CELF1: variants seen among roughly 807,000 people sequenced by gnomAD.
The protein encoded by CELF1 is CUGBP Elav-like family member 1.
CELF1 carries 10 observed loss-of-function variants against 61.8 expected under a neutral mutation model. The observed-to-expected ratio is 0.16, with a 90% CI of 0.10 to 0.27. CELF1 has a LOEUF of 0.27. Ranked by LOEUF, CELF1 falls within the 10% of genes least tolerant of loss-of-function variation. The pLI is 1.00. For synonymous variants in CELF1, 236 were observed against 225.1 expected, an observed-to-expected ratio of 1.05 and a Z score of -0.43; for missense variants, 380 against 639.1, an observed-to-expected ratio of 0.59 and a Z score of 4.37.
intron 1 of CELF1, among the ~76,000 whole-genome samples, chr11:47,545,850 CGTGTGTGTGTGT>C (rs1206141521): frequency 8.1e-6 from 1 of 124,042 alleles, no homozygotes; most frequent in Non-Finnish European, 1.8e-5. Flanking sequence ...CATATGTATA[CGTGTGTGTGTGT>C]GTGTCTGCGT....
chr11:47,514,399 C>A (rs1209338373), intron 1 of CELF1, among the ~76,000 whole-genome samples: 1 of 152,054 alleles, frequency 6.6e-6, no homozygotes, highest in East Asian at 1.9e-4. Context: ...TATTCACAAC[C>A]AATAAATAGA....
rs149776003 is a variant in CELF1, at chr11:47,466,017, G to C, written c.*6213C>G. The C allele has an allele frequency of 7.6e-4, 116 of 152,266 alleles. No homozygotes were observed. The highest frequency in any genetic ancestry group is 2.7e-3 in the African/African-American group (113 of 41,556). The allele number at this position is 152,266 out of a possible 1,614,324, so 9.4% of individuals were successfully genotyped here. On this transcript the variant is annotated 3_prime_UTR_variant, in exon 15 of 15. Coordinates refer to ENST00000687097, the MANE Select transcript of CELF1 (RefSeq NM_001376376.1). ...ATACAAAATGACTTTTTGTCCATGT[G>C]TCTGTGCAATTAAAACAGATTTAGG...
intron 9 of CELF1, among the ~76,000 whole-genome samples, chr11:47,481,921 C>T (rs1018780306): frequency 6.6e-6 from 1 of 151,926 alleles, no homozygotes; most frequent in African/African-American, 2.4e-5. Flanking sequence ...TCTTGATCTC[C>T]GCCAGGCGCA....
chr11:47,530,413 G>A (rs1474832144), intron 1 of CELF1, among the ~76,000 whole-genome samples: 1 of 152,202 alleles, frequency 6.6e-6, no homozygotes, highest in Non-Finnish European at 1.5e-5. Context: ...AAACAAGATT[G>A]CTACTGAGGA....
At chr11:47,541,248 ATTAT>A (rs1376610239) in intron 1 of CELF1, among the ~76,000 whole-genome samples, 1 of 152,210 alleles carries the variant, frequency 6.6e-6, no homozygotes, top group Non-Finnish European at 1.5e-5. Context: ...GTCACCTCAC[ATTAT>A]CACCAATATC....
upstream of CELF1, chr11:47,553,215 A>ACCGCGGCGCCGC: frequency 5.2e-6 from 2 of 386,224 alleles, no homozygotes; most frequent in Non-Finnish European, 9.2e-6. Context: ...GGAACGTATC[A>ACCGCGGCGCCGC]CCGCGGCGCC....
At chr11:47,560,082 T>A (rs2097220787) in intron 2 of CELF1, among the ~76,000 whole-genome samples, 1 of 151,250 alleles carries the variant, frequency 6.6e-6, no homozygotes. Flanking sequence ...GGCAGATTGC[T>A]AGAGCTCAGG....
intron 1 of CELF1, among the ~76,000 whole-genome samples, chr11:47,544,733 C>A (rs552778032): frequency 1.4e-3 from 206 of 152,202 alleles, no homozygotes; most frequent in African/African-American, 4.7e-3. Flanking sequence ...GAGGCTGAGG[C>A]GGGCAGTTCA....
intron 7 of CELF1, among the ~76,000 whole-genome samples, chr11:47,483,896 C>A (rs1343490810): frequency 1.3e-5 from 2 of 152,090 alleles, no homozygotes; most frequent in East Asian, 3.9e-4. Flanking sequence ...CTTAGAGGGG[C>A]TGGGAGACAA....
chr11:47,496,627 T>C (rs1030029631), intron 3 of CELF1, among the ~76,000 whole-genome samples: 14 of 151,958 alleles, frequency 9.2e-5, no homozygotes, highest in African/African-American at 3.4e-4. Flanking sequence ...CTGCATAGAG[T>C]AGGCAACTAG....
intron 1 of CELF1, among the ~76,000 whole-genome samples, chr11:47,536,849 T>C: frequency 6.6e-6 from 1 of 152,144 alleles, no homozygotes; most frequent in East Asian, 1.9e-4. Context: ...AATGAATATA[T>C]AATAAACATA....
rs2081462874 is a variant in CELF1, at chr11:47,478,978, C to G, written c.769-26G>C. On this transcript the variant is annotated intron_variant, in intron 9 of 14. Transcript: ENST00000687097. Reference sequence around the variant, plus strand: ...CTAGACATTACACCAAAAAACAGAACAAGAGTGAGAGTGAGGGCTGGTTCT... The same window carrying G: ...CTAGACATTACACCAAAAAACAGAAGAAGAGTGAGAGTGAGGGCTGGTTCT... The G allele has an allele frequency of 3.1e-6, 5 of 1,592,354 alleles. No individual in the cohort carries two copies. The African/African-American group carries it at 4.0e-5, about 13-fold the overall frequency.
chr11:47,510,069 AAAAAAAAAAG>A (rs2094972114), intron 1 of CELF1, among the ~76,000 whole-genome samples: 1 of 147,736 alleles, frequency 6.8e-6, no homozygotes, highest in Admixed American at 6.7e-5. Flanking sequence ...CTCAAAAAAG[AAAAAAAAAAG>A]TAAGGAAGTA....
At chr11:47,473,901 C>T (rs2078814816) in intron 13 of CELF1, among the ~76,000 whole-genome samples, 1 of 90,296 alleles carries the variant, frequency 1.1e-5, no homozygotes, top group Non-Finnish European at 2.0e-5. Flanking sequence ...CAATGATTTT[C>T]TTTTTTTTTC....
intron 10 of CELF1, 57 bp from the exon 11 acceptor site, chr11:47,477,482 C>T: frequency 6.3e-7 from 1 of 1,586,268 alleles, no homozygotes; most frequent in Non-Finnish European, 8.6e-7. Flanking sequence ...ATATCCATTC[C>T]AGCAATGACA....
At chr11:47,527,347 T>C (rs2096282600) in intron 1 of CELF1, among the ~76,000 whole-genome samples, 1 of 152,166 alleles carries the variant, frequency 6.6e-6, no homozygotes, top group African/African-American at 2.4e-5. Context: ...GCCGTGATCG[T>C]GCCACCGCAC....
chr11:47,529,436 C>G (rs1333453430), intron 1 of CELF1, among the ~76,000 whole-genome samples: 2 of 152,126 alleles, frequency 1.3e-5, no homozygotes, highest in African/African-American at 4.8e-5. Context: ...CCTGTAATCC[C>G]AGCACGTTGC....
Position 47,482,781 on chromosome 11 carries a change from G to A in CELF1, c.682C>T (p.Leu228Phe). The A allele has an allele frequency of 3.1e-6, 5 of 1,614,110 alleles. No homozygotes were observed. Among genetic ancestry groups the A allele is most frequent in the Non-Finnish European group, 4.2e-6 (5 of 1,179,998 alleles). Residue 228 changes from leucine (L) to phenylalanine (F), a missense_variant, in exon 9 of 15, where the codon CTC (leucine) becomes TTC (phenylalanine). Leu to Phe is a conservative substitution (Grantham distance 22, BLOSUM62 0). Transcript: ENST00000687097. Reference protein sequence around the residue: ...DKEQKRMAQQLQQQMQQISAA... With the variant: ...DKEQKRMAQQFQQQMQQISAA... Reference sequence around the variant, plus strand: ...CTGATTTGCTGCATCTGCTGCTGGAGCTGCTGGGCCATTCTCTTCTGTTCT... The same window carrying A: ...CTGATTTGCTGCATCTGCTGCTGGAACTGCTGGGCCATTCTCTTCTGTTCT...
chr11:47,510,701 G>A (rs928105615), intron 1 of CELF1, among the ~76,000 whole-genome samples: 2 of 151,930 alleles, frequency 1.3e-5, no homozygotes, highest in Admixed American at 6.6e-5. Flanking sequence ...TGCCCAGGCT[G>A]GTCTTGAACT....
Sources: allele counts gnomAD v4.1 joint callset (sites outside exome capture counted in the v4.1 genomes callset), GRCh38; gene constraint gnomAD v4.1.1; transcripts MANE v1.5; gene names NCBI Gene and HGNC (gene_info 2026-07-23, HGNC 2026-07-21).